TC2N: variants seen among roughly 807,000 people sequenced by gnomAD.
TC2N encodes tandem C2 domains, nuclear, also known as tandem C2 domains nuclear protein.
Under a neutral mutation model 61.9 loss-of-function variants are expected in TC2N, and 51 were observed. The ratio of observed to expected loss-of-function variants is 0.82; its 90% CI spans 0.66 to 1.04. The LOEUF (loss-of-function observed/expected upper bound fraction) is 1.04. TC2N is among the 50% of genes least tolerant of loss of function. TC2N has a pLI of 0.00. For synonymous variants in TC2N, 204 were observed against 192.6 expected, an observed-to-expected ratio of 1.06 and a Z score of -0.49; for missense variants, 556 against 566.7, an observed-to-expected ratio of 0.98 and a Z score of 0.19.
At chr14:91,790,877 T>A (rs1342867739) in intron 9 of TC2N, among the ~76,000 whole-genome samples, 1 of 151,984 alleles carries the variant, frequency 6.6e-6, no homozygotes, top group Non-Finnish European at 1.5e-5. Context: ...ATGCCTGCAA[T>A]CCCAGCAAAT....
chr14:91,800,405 T>C, intron 4 of TC2N, 33 bp from the exon 5 acceptor site: 2 of 1,215,014 alleles, frequency 1.6e-6, no homozygotes, highest in Non-Finnish European at 2.4e-6. Context: ...TATATATTTT[T>C]AAGAAACACT....
chr14:91,788,661 C>T (rs985916603), intron 9 of TC2N, among the ~76,000 whole-genome samples: 1 of 152,096 alleles, frequency 6.6e-6, no homozygotes, highest in African/African-American at 2.4e-5. Context: ...ACAAAAACTC[C>T]AACCTCTCCA....
At chr14:91,818,733 G>A (rs891357230) in intron 1 of TC2N, among the ~76,000 whole-genome samples, 1 of 152,092 alleles carries the variant, frequency 6.6e-6, no homozygotes, top group Non-Finnish European at 1.5e-5. Context: ...TATAATGTCT[G>A]AGATGGAAAA....
At chr14:91,785,701 G>A (rs1203899604) in intron 10 of TC2N, among the ~76,000 whole-genome samples, 1 of 152,054 alleles carries the variant, frequency 6.6e-6, no homozygotes. Context: ...CTTTTGGACA[G>A]CTGGAGGTAT....
At position 91,802,225 on chromosome 14, in the gene TC2N, G is replaced by A. The variant is rs759505622; in HGVS notation, c.469+29C>T. 4.7e-6 allele frequency: 7 copies of A among 1,490,960 alleles called. No homozygotes were observed. The South Asian group carries it at 5.6e-5, about 12-fold the overall frequency. The allele number at this position is 1,490,960 out of a possible 1,614,324, so 92.4% of individuals were successfully genotyped here. ...TCTAAATTTCTTAAAGAGAAACACAGAGAGGAAAAGCACAAAAGATCTTCA... is the reference window on the plus strand; with the variant it reads ...TCTAAATTTCTTAAAGAGAAACACAAAGAGGAAAAGCACAAAAGATCTTCA... On this transcript the variant is annotated intron_variant, in intron 4 of 11. Transcript: ENST00000435962.
At chr14:91,791,151 G>GGGAGGGGAAGGGAAGGGAAGGGAAA in intron 9 of TC2N, among the ~76,000 whole-genome samples, 1 of 118,508 alleles carries the variant, frequency 8.4e-6, no homozygotes. Context: ...GGGAAGGGAA[G>GGGAGGGGAAGGGAAGGGAAGGGAAA]GGAGGGGAAG....
At chr14:91,835,105 AT>A (rs1887946240) in intron 1 of TC2N, among the ~76,000 whole-genome samples, 1 of 152,240 alleles carries the variant, frequency 6.6e-6, no homozygotes, top group Non-Finnish European at 1.5e-5. Context: ...CACAATTATA[AT>A]TCATATGAAG....
chr14:91,799,142 T>A (rs1886083440), intron 5 of TC2N, 78 bp from the exon 6 acceptor site: 1 of 872,194 alleles, frequency 1.1e-6, no homozygotes, highest in East Asian at 2.8e-5. Flanking sequence ...TCAATATCCA[T>A]CCTAGTAACA....
At chr14:91,795,542 T>C (rs1054606626) in intron 8 of TC2N, among the ~76,000 whole-genome samples, 2 of 152,144 alleles carry the variant, frequency 1.3e-5, no homozygotes, top group African/African-American at 2.4e-5. Context: ...AAATTACAAC[T>C]TGCTGAAGAC....
chr14:91,783,578 T>C (rs943401297), intron 11 of TC2N, among the ~76,000 whole-genome samples: 4 of 152,062 alleles, frequency 2.6e-5, no homozygotes, highest in African/African-American at 7.2e-5. Context: ...ATAATTAAAC[T>C]GAGGCTAATC....
intron 3 of TC2N, among the ~76,000 whole-genome samples, chr14:91,807,921 T>C (rs1886590081): frequency 2.6e-5 from 4 of 152,170 alleles, no homozygotes; most frequent in Non-Finnish European, 1.5e-5. Flanking sequence ...TGGTAGGAGA[T>C]AATTGAATCA....
intron 1 of TC2N, among the ~76,000 whole-genome samples, chr14:91,864,581 G>A (rs1416069032): frequency 3.9e-5 from 6 of 152,146 alleles, no homozygotes; most frequent in African/African-American, 1.4e-4. Context: ...TAGAAGGTTG[G>A]AAACGAAGAC....
chr14:91,861,237 A>T lies in TC2N; in HGVS notation c.-57+6025T>A, dbSNP rs534600466. On this transcript the variant is annotated intron_variant, in intron 1 of 11. Coordinates refer to ENST00000435962, the MANE Select transcript of TC2N (RefSeq NM_001128596.3). ...ATCCTCAGAAGAACAGCCACAAGAAAGTACCATGTTCACATAAGTTGATAC... is the reference window on the plus strand; with the variant it reads ...ATCCTCAGAAGAACAGCCACAAGAATGTACCATGTTCACATAAGTTGATAC... Among the ~76,000 whole-genome samples, 4 of 152,338 alleles carry T rather than the reference A, an allele frequency of 2.6e-5. No homozygotes were observed. The East Asian group carries it at 7.7e-4, about 29-fold the overall frequency.
chr14:91,811,433 T>C (rs1274019120), intron 3 of TC2N, among the ~76,000 whole-genome samples: 1 of 152,012 alleles, frequency 6.6e-6, no homozygotes, highest in Non-Finnish European at 1.5e-5. Flanking sequence ...TATTGTGACT[T>C]ACAGTGTTTC....
intron 1 of TC2N, among the ~76,000 whole-genome samples, chr14:91,857,328 A>T (rs182072887): frequency 6.6e-6 from 1 of 152,342 alleles, no homozygotes; most frequent in Admixed American, 6.5e-5. Flanking sequence ...GTCTGATTTC[A>T]AATCTTTCTG....
In TC2N at chr14:91,837,970, A is replaced by G. The variant is rs936016243; in HGVS notation, c.-56-24145T>C. Among the ~76,000 whole-genome samples, 3 of 152,196 alleles carry G rather than the reference A, an allele frequency of 2.0e-5. No homozygotes were observed. Among genetic ancestry groups the G allele is most frequent in the Non-Finnish European group, 4.4e-5 (3 of 68,042 alleles). On this transcript the variant is annotated intron_variant, in intron 1 of 11. Coordinates refer to ENST00000435962, the MANE Select transcript of TC2N (RefSeq NM_001128596.3). The surrounding 1 kb of genome is among the most constrained non-coding windows in gnomAD (Gnocchi z 4.2). The stretch of plus-strand genomic sequence containing the variant: ...ACACAAAACTTTCATGAGTCATCTC[A>G]TTTAATCCTGGAAATTGCAATGTAG...
chr14:91,844,669 G>A (rs1170356525), intron 1 of TC2N, among the ~76,000 whole-genome samples: 1 of 149,726 alleles, frequency 6.7e-6, no homozygotes, highest in African/African-American at 2.5e-5. Context: ...GGTGAGGCAG[G>A]AGAATCGCTT....
In TC2N at chr14:91,802,332, A is replaced by G. The variant is rs1194536439; in HGVS notation, c.391T>C (p.Tyr131His). The G allele has an allele frequency of 6.2e-7, 1 of 1,611,114 alleles. No homozygotes were observed. The highest frequency in any genetic ancestry group is 8.5e-7 in the Non-Finnish European group (1 of 1,179,078). The change falls in exon 4 of 12, where the codon TAT (tyrosine) becomes CAT (histidine). Residue 131 changes from tyrosine (Y) to histidine (H), a missense_variant. Physicochemically the swap from Tyr to His is moderately conservative, Grantham distance 83. Coordinates refer to ENST00000435962, the MANE Select transcript of TC2N (RefSeq NM_001128596.3). ...TCAGGTGAAATGTGCTGATACATAT[A>G]GAATGGGTTATACACATCATAGCTA... ...GPSYDVYNPF[Y>H]MYQHISPDLS...
chr14:91,798,037 C>T lies in TC2N; in HGVS notation c.739-136G>A, dbSNP rs79880973. The T allele has an allele frequency of 0.019, 11,488 of 598,890 alleles. 138 individuals are homozygous for T. Among genetic ancestry groups the T allele is most frequent in the Non-Finnish European group, 0.025 (8,830 of 349,240 alleles). 37.1% of individuals were successfully genotyped at this position (598,890 alleles called of 1,614,324 possible). ...GTCTACTGAGACCTCATGTTGCATCCACATTAAGCAAATTTTGACATATAA... is the reference window on the plus strand; with the variant it reads ...GTCTACTGAGACCTCATGTTGCATCTACATTAAGCAAATTTTGACATATAA... On this transcript the variant is annotated intron_variant, in intron 7 of 11. Coordinates refer to ENST00000435962, the MANE Select transcript of TC2N (RefSeq NM_001128596.3).
Sources: allele counts gnomAD v4.1 joint callset (sites outside exome capture counted in the v4.1 genomes callset), GRCh38; gene constraint gnomAD v4.1.1; non-coding constraint Gnocchi (gnomAD v3.1); transcripts MANE v1.5; gene names NCBI Gene and HGNC (gene_info 2026-07-23, HGNC 2026-07-21).